The following MYOM2 variants were observed in gnomAD, a reference collection of about 807,000 sequenced individuals.
MYOM2 encodes myomesin 2, also known as myomesin-2.
In MYOM2, 254 loss-of-function variants were observed where a neutral mutation model predicts 187.6. That is an observed-to-expected ratio of 1.35 (90% CI 1.22 to 1.50). The LOEUF is 1.50. Among genes scored for constraint, MYOM2 ranks in the 40% most tolerant of loss-of-function variants. The probability of loss-of-function intolerance (pLI) is 0.00; values close to 1 mark genes in which losing one functional copy is unlikely to be tolerated. For synonymous variants in MYOM2, 981 were observed against 753.8 expected (o/e 1.30, Z -4.94); for missense variants, 2,796 against 1,924.0 (o/e 1.45, Z -8.48).
At chr8:2,141,458 G>T (rs1308819109) in intron 34 of MYOM2, among the ~76,000 whole-genome samples, 1 of 152,228 alleles carries the variant, frequency 6.6e-6, no homozygotes, top group Non-Finnish European at 1.5e-5. Context: ...AACACGCAAA[G>T]CAGATTAACA....
At chr8:2,068,669 G>T (rs951772029) in intron 6 of MYOM2, among the ~76,000 whole-genome samples, 1 of 152,242 alleles carries the variant, frequency 6.6e-6, no homozygotes, top group African/African-American at 2.4e-5. Context: ...GTGGAGCAAA[G>T]CTCAAGCTCC....
intron 15 of MYOM2, among the ~76,000 whole-genome samples, chr8:2,090,891 A>T (rs1305114943): frequency 6.6e-6 from 1 of 151,862 alleles, no homozygotes; most frequent in Non-Finnish European, 1.5e-5. Context: ...GGTTGATTCC[A>T]TGTCTTGGCT....
At position 2,076,295 on chromosome 8, in the gene MYOM2, C is replaced by T. The variant is rs1223099588; in HGVS notation, c.1262+13C>T. 6.2e-7 allele frequency: 1 copy of T among 1,612,538 alleles called. No individual in the cohort carries two copies. Among genetic ancestry groups the T allele is most frequent in the South Asian group, 1.1e-5 (1 of 90,734 alleles). ...ATTTTGTGGACCGGTGAGCGTCTTG[C>T]ATTCTCCCGGGGATGGGAACGTTCC... On this transcript the variant is annotated intron_variant, in intron 11 of 36. Transcript: ENST00000262113.
At chr8:2,104,016 G>A (rs1010366192) in intron 21 of MYOM2, among the ~76,000 whole-genome samples, 5 of 152,162 alleles carry the variant, frequency 3.3e-5, no homozygotes, top group Non-Finnish European at 5.9e-5. Context: ...GTGCACTAAT[G>A]GCCCTGGATG....
chr8:2,054,011 G>C (rs1818575719), intron 3 of MYOM2, among the ~76,000 whole-genome samples: 1 of 152,218 alleles, frequency 6.6e-6, no homozygotes, highest in African/African-American at 2.4e-5. Context: ...CCGTCATGCA[G>C]AAGGGCCCAG....
At chr8:2,127,254 C>CA (rs1392182985) in intron 31 of MYOM2, among the ~76,000 whole-genome samples, 1 of 152,122 alleles carries the variant, frequency 6.6e-6, no homozygotes. Context: ...GTAGAGGAAA[C>CA]AGAGTCCCAC....
intron 24 of MYOM2, chr8:2,109,139 G>C (rs1196891549): frequency 1.9e-6 from 1 of 531,196 alleles, no homozygotes; most frequent in African/African-American, 2.0e-5. Context: ...ATTAAATATA[G>C]AAAGAATCCA....
Position 2,078,827 on chromosome 8 carries a change from T to C in MYOM2, c.1356T>C (p.Ser452=). The C allele has an allele frequency of 6.2e-7, 1 of 1,614,144 alleles. No homozygotes were observed. Among genetic ancestry groups the C allele is most frequent in the Non-Finnish European group, 8.5e-7 (1 of 1,180,008 alleles). ...YPVTGLFEGR[S]YIFRVRAVNS... ...TCACAGGGCTTTTTGAAGGAAGGTC[T>C]TACATATTCCGAGTGAGGGCAGTGA... Residue 452 remains serine, a synonymous_variant, in exon 12 of 37, where the codon TCT becomes TCC. Coordinates refer to ENST00000262113, the MANE Select transcript of MYOM2 (RefSeq NM_003970.4).
chr8:2,093,977 G>A lies in MYOM2; in HGVS notation c.2011G>A (p.Val671Met). 8 of 1,614,130 alleles carry A rather than the reference G, an allele frequency of 5.0e-6. No individual in the cohort carries two copies. Among genetic ancestry groups the A allele is most frequent in the Non-Finnish European group, 6.8e-6 (8 of 1,180,028 alleles). Residue 671 changes from valine (V) to methionine (M), a missense_variant, in exon 17 of 37, where the codon GTG becomes ATG. Physicochemically the swap from Val to Met is conservative, Grantham distance 21 (BLOSUM62 1). Coordinates refer to ENST00000262113, the MANE Select transcript of MYOM2 (RefSeq NM_003970.4). ...GATCCCTGTGTTTCTCAGGTTCGTG[G>A]TGCACGGCTTAACCACGGGAGAGCA... ...HKPIGYNRFV[V>M]HGLTTGEQYI...
intron 13 of MYOM2, among the ~76,000 whole-genome samples, chr8:2,081,542 C>T (rs1255393364): frequency 6.6e-6 from 1 of 152,340 alleles, no homozygotes; most frequent in African/African-American, 2.4e-5. Context: ...GGAATCCAGC[C>T]TGGCAAAAAT....
At position 2,096,557 on chromosome 8, in the gene MYOM2, G is replaced by T. The variant is rs1459580819; in HGVS notation, c.2313+123G>T. ...AGACACAAAAATGGATTAAAAAATA[G>T]CATCATGAGATCATGAAGTTTTGGA... is the stretch of plus-strand genomic sequence containing the variant. On this transcript the variant is annotated intron_variant, in intron 18 of 36. Coordinates refer to ENST00000262113, the MANE Select transcript of MYOM2 (RefSeq NM_003970.4). 3.3e-6 allele frequency: 3 copies of T among 915,578 alleles called. No individual in the cohort carries two copies. In the East Asian group the frequency reaches 7.9e-5, roughly 24 times the overall value. 56.7% of individuals were successfully genotyped at this position (915,578 alleles called of 1,614,324 possible).
At position 2,106,289 on chromosome 8, in the gene MYOM2, C is replaced by G. The variant is rs766711606; in HGVS notation, c.2782C>G (p.Leu928Val). 3 of 1,614,066 alleles carry G rather than the reference C, an allele frequency of 1.9e-6. No individual in the cohort carries two copies. The highest frequency in any genetic ancestry group is 3.3e-5 in the Admixed American group (2 of 60,008). ...TGTCGATGAACAAGGCAACATCTAT[C>G]TGGGCTTCGACTGCCAGGAAATGAC... ...AGVDEQGNIY[L>V]GFDCQEMTDA... The change falls in exon 22 of 37, where the codon CTG becomes GTG. Residue 928 changes from leucine (L) to valine (V), a missense_variant. Coordinates refer to ENST00000262113, the MANE Select transcript of MYOM2 (RefSeq NM_003970.4).
At chr8:2,108,263 A>ATTTT (rs202136897) in intron 23 of MYOM2, among the ~76,000 whole-genome samples, 2 of 148,270 alleles carry the variant, frequency 1.3e-5, no homozygotes, top group Admixed American at 1.3e-4. Context: ...TTATTTATTT[A>ATTTT]TTTTTTTTGT....
chr8:2,050,558 T>C (rs1157756817), intron 1 of MYOM2, among the ~76,000 whole-genome samples, 197 bp from the exon 2 acceptor site: 3 of 152,188 alleles, frequency 2.0e-5, no homozygotes, highest in Non-Finnish European at 4.4e-5. Flanking sequence ...AAAAATAAAG[T>C]TGGGTCCCTG....
At chr8:2,080,820 G>C (rs1331785107) in intron 13 of MYOM2, among the ~76,000 whole-genome samples, 1 of 143,940 alleles carries the variant, frequency 6.9e-6, no homozygotes, top group African/African-American at 3.0e-5. Flanking sequence ...TCTGGCCTCC[G>C]GGAGGAACAG....
At chr8:2,115,935 T>G (rs1031590433) in intron 25 of MYOM2, 25 bp from the exon 26 acceptor site, 1 of 1,603,044 alleles carries the variant, frequency 6.2e-7, no homozygotes, top group Non-Finnish European at 8.5e-7. Flanking sequence ...TGTATAATTC[T>G]CCATTTCCCT....
At position 2,140,894 on chromosome 8, in the gene MYOM2, A is replaced by G. The variant is rs1196613399; in HGVS notation, c.3964+8A>G. The G allele has an allele frequency of 6.3e-7, 1 of 1,596,822 alleles. No homozygotes were observed. The stretch of plus-strand genomic sequence containing the variant: ...TTGACCTGTCCGGACAAGGTAAGAG[A>G]ATTCTTCTTTAGCATTTAATAATTT... On this transcript the variant is annotated splice_region_variant and intron_variant, in intron 33 of 36. Transcript: ENST00000262113.
chr8:2,107,343 G>A lies in MYOM2; in HGVS notation c.2998+746G>A, dbSNP rs548284941. Among the ~76,000 whole-genome samples the A allele has an allele frequency of 1.6e-4, 25 of 152,264 alleles. No individual in the cohort carries two copies. The South Asian group carries it at 5.0e-3, about 30-fold the overall frequency. ...TTCTGGGTTTCTTTGGGTGTCTAAGGCATTTGAATTTCCAAAAGTTTTCTA... is the reference window on the plus strand; with the variant it reads ...TTCTGGGTTTCTTTGGGTGTCTAAGACATTTGAATTTCCAAAAGTTTTCTA... On this transcript the variant is annotated intron_variant, in intron 23 of 36. Transcript: ENST00000262113.
chr8:2,053,857 T>A (rs925609162), intron 3 of MYOM2, among the ~76,000 whole-genome samples: 51 of 152,338 alleles, frequency 3.3e-4, no homozygotes, highest in African/African-American at 1.2e-3. Flanking sequence ...AGTGTTGTAT[T>A]CTCCTAACCC....
Sources: allele counts gnomAD v4.1 joint callset (sites outside exome capture counted in the v4.1 genomes callset), GRCh38; gene constraint gnomAD v4.1.1; transcripts MANE v1.5; gene names NCBI Gene and HGNC (gene_info 2026-07-23, HGNC 2026-07-21).